The following ARMC12 variants were observed in gnomAD, a reference collection of about 807,000 sequenced individuals.
ARMC12 encodes armadillo repeat-containing protein 12.
In ARMC12, 25 loss-of-function variants were observed where a neutral mutation model predicts 37.4. The ratio of observed to expected loss-of-function variants is 0.67; its 90% CI spans 0.49 to 0.93. ARMC12 has a LOEUF of 0.93. Among genes scored for constraint, ARMC12 ranks in the 40% least tolerant of loss-of-function variants. ARMC12 has a pLI of 0.00. For missense variants in ARMC12, 384 were observed against 426.6 expected (o/e 0.90, Z 0.88); for synonymous variants, 167 against 176.1 (o/e 0.95, Z 0.41).
At chr6:35,746,222 TAAAG>T (rs540930853) in intron 3 of ARMC12, among the ~76,000 whole-genome samples, 440 of 151,944 alleles carry the variant, frequency 2.9e-3, no homozygotes, top group South Asian at 8.1e-3. Flanking sequence ...AATGAAGTCT[TAAAG>T]GAGGTGTGAG....
At position 35,747,592 on chromosome 6, in the gene ARMC12, T is replaced by C. The variant is rs776728534; in HGVS notation, c.635T>C (p.Leu212Pro). The change falls in exon 5 of 6, where the codon CTG becomes CCG. Residue 212 changes from leucine to proline, a missense_variant. Transcript: ENST00000373866. ...TTTATTCAGGTGCAAGCCGTACGAC[T>C]GCTGAGCTACCTGGCACAGAAGAAT... ...YILAQVQAVR[L>P]LSYLAQKNDL... The C allele has an allele frequency of 1.4e-5, 23 of 1,614,110 alleles. No homozygotes were observed. In the East Asian group the frequency reaches 4.9e-4, roughly 34 times the overall value.
In ARMC12 at chr6:35,748,960, G is replaced by A. The variant is rs574780801; in HGVS notation, c.*90G>A. The A allele has an allele frequency of 3.8e-6, 5 of 1,327,262 alleles. No homozygotes were observed. The East Asian group carries it at 7.5e-5, about 20-fold the overall frequency. The allele number at this position is 1,327,262 out of a possible 1,614,324, so 82.2% of individuals were successfully genotyped here. A position where few individuals can be genotyped will look rare whatever the true frequency, so the allele number is the denominator to read the frequency against. ...TGTTGGTGGCCTTCCAGGGCTGGGT[G>A]GAGATTTCATTCAGCATAACCTCTG... On this transcript the variant is annotated 3_prime_UTR_variant, in exon 6 of 6. Coordinates refer to ENST00000373866, the MANE Select transcript of ARMC12 (RefSeq NM_001286574.2).
intron 5 of ARMC12, among the ~76,000 whole-genome samples, 161 bp downstream of exon 5, chr6:35,747,808 C>T (rs186087206): frequency 7.4e-4 from 113 of 152,292 alleles, no homozygotes; most frequent in South Asian, 4.6e-3. Flanking sequence ...CTGTTCCCCC[C>T]AGTAGAAGGA....
At chr6:35,741,560 G>A (rs951185825) in intron 3 of ARMC12, among the ~76,000 whole-genome samples, 8 of 151,898 alleles carry the variant, frequency 5.3e-5, no homozygotes, top group Admixed American at 2.0e-4. Flanking sequence ...AATCACAGGC[G>A]TGCGCGCACC....
In ARMC12 at chr6:35,737,251, A is replaced by C. The variant is rs761730570; in HGVS notation, c.143A>C (p.Asn48Thr). 6.2e-7 allele frequency: 1 copy of C among 1,614,168 alleles called. No homozygotes were observed. ...AAATGCAAACCACCCCTCTGTAGCA[A>C]CTCACCCATCTGCATCGCCCGTGAG... ...GIKCKPPLCS[N>T]SPICIARLAV... is the part of the protein sequence containing the mutation. Residue 48 changes from asparagine (N) to threonine (T), a missense_variant, in exon 1 of 6, where the codon AAC (asparagine) becomes ACC (threonine). Transcript: ENST00000373866.
chr6:35,745,692 G>A (rs1403089562), intron 3 of ARMC12, among the ~76,000 whole-genome samples: 4 of 152,190 alleles, frequency 2.6e-5, no homozygotes, highest in African/African-American at 9.7e-5. Context: ...GGGGAACTGG[G>A]TGAAGAGCAC....
At chr6:35,739,421 T>C (rs192468208) in intron 3 of ARMC12, among the ~76,000 whole-genome samples, 3 of 152,288 alleles carry the variant, frequency 2.0e-5, no homozygotes, top group Non-Finnish European at 4.4e-5. Context: ...CCTCAGTAAA[T>C]TTACTTAATC....
intron 4 of ARMC12, 27 bp from the exon 5 acceptor site, chr6:35,747,549 T>G: frequency 6.2e-7 from 1 of 1,613,844 alleles, no homozygotes; most frequent in Non-Finnish European, 8.5e-7. Context: ...ACCTGCCTTC[T>G]CATGCTTTAC....
At position 35,738,041 on chromosome 6, in the gene ARMC12, C is replaced by T. The variant is rs146467053; in HGVS notation, c.178C>T (p.Arg60Ter). ...PICIARLAVE[R>*]ERHGRDSGEL... ...TGGCTGTCTAGGCCTGGCAGTCGAGCGAGAGCGGCACGGGCGGGACTCAGG... is the reference window on the plus strand; with the variant it reads ...TGGCTGTCTAGGCCTGGCAGTCGAGTGAGAGCGGCACGGGCGGGACTCAGG... Residue 60 changes from arginine (R) to a stop codon, truncating the protein, a stop_gained, in exon 2 of 6, where the codon CGA (arginine) becomes TGA (stop). Transcript: ENST00000373866. LOFTEE classifies it high-confidence loss of function. The T allele has an allele frequency of 1.6e-4, 256 of 1,613,380 alleles. No individual in the cohort carries two copies. Among genetic ancestry groups the T allele is most frequent in the Non-Finnish European group, 1.9e-4 (229 of 1,180,030 alleles).
chr6:35,738,127 G>A lies in ARMC12; in HGVS notation c.264G>A (p.Met88Ile). Residue 88 changes from methionine to isoleucine, a missense_variant, in exon 2 of 6, where the codon ATG becomes ATA. Met to Ile is a conservative substitution (Grantham distance 10, BLOSUM62 1). Coordinates refer to ENST00000373866, the MANE Select transcript of ARMC12 (RefSeq NM_001286574.2). ...AACAGGATGAGTATGCCAAGAGCATGATCCTGCACAGTATCACTCGCTGTG... is the reference window on the plus strand; with the variant it reads ...AACAGGATGAGTATGCCAAGAGCATAATCCTGCACAGTATCACTCGCTGTG... ...ECKQDEYAKS[M>I]ILHSITRCVY... 1 of 1,613,986 alleles carries A rather than the reference G, an allele frequency of 6.2e-7. No homozygotes were observed.
Position 35,738,073 on chromosome 6 carries a change from C to T in ARMC12, c.210C>T (p.Leu70=). 1 of 1,614,024 alleles carries T rather than the reference C, an allele frequency of 6.2e-7. No homozygotes were observed. Among genetic ancestry groups the T allele is most frequent in the Non-Finnish European group, 8.5e-7 (1 of 1,180,046 alleles). ...GGCACGGGCGGGACTCAGGTGAGCT[C>T]CGGAGGCTCCTCAACTCTTTGGAGT... ...RERHGRDSGE[L]RRLLNSLECK... Residue 70 remains leucine (L), a synonymous_variant, in exon 2 of 6, where the codon CTC becomes CTT. Transcript: ENST00000373866.
chr6:35,748,961 G>A lies in ARMC12; in HGVS notation c.*91G>A. 1 of 1,305,456 alleles carries A rather than the reference G, an allele frequency of 7.7e-7. No individual in the cohort carries two copies. The highest frequency in any genetic ancestry group is 1.0e-6 in the Non-Finnish European group (1 of 961,592). The allele number at this position is 1,305,456 out of a possible 1,614,324, so 80.9% of individuals were successfully genotyped here. A position where few individuals can be genotyped will look rare whatever the true frequency, so the allele number is the denominator to read the frequency against. On this transcript the variant is annotated 3_prime_UTR_variant, in exon 6 of 6. Transcript: ENST00000373866. The stretch of plus-strand genomic sequence containing the variant: ...GTTGGTGGCCTTCCAGGGCTGGGTG[G>A]AGATTTCATTCAGCATAACCTCTGC...
chr6:35,747,582 G>C lies in ARMC12; in HGVS notation c.625G>C (p.Ala209Pro). 1.2e-6 allele frequency: 2 copies of C among 1,614,192 alleles called. No individual in the cohort carries two copies. The highest frequency in any genetic ancestry group is 1.7e-6 in the Non-Finnish European group (2 of 1,180,008). Residue 209 changes from alanine to proline, a missense_variant, in exon 5 of 6, where the codon GCC (alanine) becomes CCC (proline). Physicochemically the swap from Ala to Pro is conservative, Grantham distance 27 (BLOSUM62 -1). Coordinates refer to ENST00000373866, the MANE Select transcript of ARMC12 (RefSeq NM_001286574.2). ...TACTCTTTCCTTTATTCAGGTGCAA[G>C]CCGTACGACTGCTGAGCTACCTGGC... Reference protein sequence around the residue: ...QSDYILAQVQAVRLLSYLAQK... With the variant: ...QSDYILAQVQPVRLLSYLAQK...
upstream of ARMC12, among the ~76,000 whole-genome samples, chr6:35,732,169 TC>T (rs1766849607): frequency 6.6e-6 from 1 of 151,952 alleles, no homozygotes; most frequent in South Asian, 2.1e-4. Flanking sequence ...CCCCCTCTGC[TC>T]CCCGCGCCTT....
At chr6:35,745,674 A>G (rs1767315031) in intron 3 of ARMC12, among the ~76,000 whole-genome samples, 1 of 152,220 alleles carries the variant, frequency 6.6e-6, no homozygotes, top group Non-Finnish European at 1.5e-5. Context: ...GCAAGATGTG[A>G]CCATTGAGGG....
At chr6:35,742,496 C>CAA (rs760070963) in intron 3 of ARMC12, among the ~76,000 whole-genome samples, 3,762 of 42,966 alleles carry the variant, frequency 0.088, 494 homozygotes, top group African/African-American at 0.13. Flanking sequence ...GACTCTGTCT[C>CAA]AAAAAAAAAA....
upstream of ARMC12, chr6:35,735,391 C>T (rs1483911816): frequency 6.6e-6 from 1 of 152,382 alleles, no homozygotes; most frequent in Non-Finnish European, 1.5e-5. This position sits in a 1 kb window ranked among gnomAD's most constrained non-coding sequence, Gnocchi z 4.0. Flanking sequence ...GAATGATGAC[C>T]CTTGAGGAGG....
At chr6:35,732,138 C>T (rs529280511), upstream of ARMC12, among the ~76,000 whole-genome samples, 1 of 152,168 alleles carries the variant, frequency 6.6e-6, no homozygotes, top group East Asian at 1.9e-4. Context: ...CCGCCGCAAC[C>T]TCCTCCTCTG....
In ARMC12 at chr6:35,738,058, G is replaced by GGAC. The variant is rs1351044029; in HGVS notation, c.196_198dup (p.Asp66dup). The GGAC allele has an allele frequency of 3.1e-6, 5 of 1,613,806 alleles. No individual in the cohort carries two copies. In the East Asian group the frequency reaches 1.1e-4, roughly 36 times the overall value. ...CAGTCGAGCGAGAGCGGCACGGGCG[G>GGAC]GACTCAGGTGAGCTCCGGAGGCTCC... On this transcript the variant is annotated inframe_insertion, in exon 2 of 6. Coordinates refer to ENST00000373866, the MANE Select transcript of ARMC12 (RefSeq NM_001286574.2).
Sources: gnomAD v4.1 joint callset for allele counts (sites outside exome capture counted in the v4.1 genomes callset) on GRCh38, gnomAD v4.1.1 for gene constraint, Gnocchi (gnomAD v3.1) non-coding constraint, MANE v1.5 for transcripts, NCBI Gene and HGNC (gene_info 2026-07-23, HGNC 2026-07-21) for gene names.